The following PDIA3 variants were observed in gnomAD, a reference collection of about 807,000 sequenced individuals.
PDIA3 encodes the protein protein disulfide-isomerase A3.
In PDIA3, 16 loss-of-function variants were observed where a neutral mutation model predicts 56.9. The observed-to-expected ratio is 0.28, with a 90% CI of 0.19 to 0.43. The LOEUF (loss-of-function observed/expected upper bound fraction) is 0.43, where lower values mean the gene tolerates loss of function less well. Among genes scored for constraint, PDIA3 ranks in the 20% least tolerant of loss-of-function variants. The pLI, the probability that PDIA3 is intolerant of heterozygous loss-of-function variation, is 1.00. For missense variants in PDIA3, 485 were observed against 621.3 expected, an observed-to-expected ratio of 0.78 and a Z score of 2.33; for synonymous variants, 192 against 216.5, an observed-to-expected ratio of 0.89 and a Z score of 0.99.
intron 8 of PDIA3, among the ~76,000 whole-genome samples, chr15:43,767,266 C>T (rs552345106): frequency 1.3e-5 from 2 of 152,192 alleles, no homozygotes; most frequent in South Asian, 2.1e-4. Context: ...GCAGGAGAAT[C>T]GCTTGAACCT....
chr15:43,746,597 C>T lies in PDIA3; in HGVS notation c.58C>T (p.Arg20Cys), dbSNP rs759897655. ...TGTGGCGCTGCTTCTTGCCGCGGCC[C>T]GCCTCGCCGCTGCCTCCGACGTGCT... The part of the protein sequence containing the change: ...PGVALLLAAA[R>C]LAAASDVLEL... The change falls in exon 1 of 13, where the codon CGC (arginine) becomes TGC (cysteine). Residue 20 changes from arginine (R) to cysteine (C), a missense_variant. Transcript: ENST00000300289. 1 of 1,612,074 alleles carries T rather than the reference C, an allele frequency of 6.2e-7. No homozygotes were observed. Among genetic ancestry groups the T allele is most frequent in the Non-Finnish European group, 8.5e-7 (1 of 1,179,728 alleles).
intron 2 of PDIA3, 143 bp downstream of exon 2, chr15:43,754,045 A>G (rs2086761249): frequency 4.7e-6 from 3 of 637,960 alleles, no homozygotes; most frequent in Admixed American, 2.6e-5. Flanking sequence ...TTATTCTGCT[A>G]AGAAGAGCGA....
At chr15:43,756,405 A>G (rs2086778700) in intron 2 of PDIA3, among the ~76,000 whole-genome samples, 1 of 152,230 alleles carries the variant, frequency 6.6e-6, no homozygotes, top group Admixed American at 6.5e-5. Context: ...CAAGGGCAGA[A>G]TTTAAACAGG....
chr15:43,754,454 T>TA (rs2086764601), intron 2 of PDIA3, among the ~76,000 whole-genome samples: 1 of 141,658 alleles, frequency 7.1e-6, no homozygotes, highest in Non-Finnish European at 1.5e-5. Flanking sequence ...GCATAAGAAG[T>TA]AAAATAGACC....
Position 43,773,109 on chromosome 15 carries a change from G to A in PDIA3, c.*1891G>A, listed in dbSNP as rs767674964. The A allele has an allele frequency of 6.3e-7, 1 of 1,588,950 alleles. No homozygotes were observed. Among genetic ancestry groups the A allele is most frequent in the East Asian group, 2.2e-5 (1 of 44,738 alleles). On this transcript the variant is annotated 3_prime_UTR_variant, in exon 13 of 13. Coordinates refer to ENST00000300289, the MANE Select transcript of PDIA3 (RefSeq NM_005313.5). ...TAAGCAGAGGCTCAAAAATTCCCTT[G>A]ATAACTTCAGCTGCCCCTGTTCTTT...
chr15:43,770,642 C>A, intron 12 of PDIA3, 62 bp downstream of exon 12: 1 of 1,056,958 alleles, frequency 9.5e-7, no homozygotes, highest in Non-Finnish European at 1.5e-6. Context: ...CAACCTTAAA[C>A]ATAGTTCTTT....
intron 10 of PDIA3, 123 bp from the exon 11 acceptor site, chr15:43,770,127 A>G: frequency 1.3e-6 from 1 of 743,002 alleles, no homozygotes; most frequent in Non-Finnish European, 2.3e-6. Flanking sequence ...GCACCACCAC[A>G]CCCGGCTAAT....
Position 43,746,560 on chromosome 15 carries a change from G to C in PDIA3, c.21G>C (p.Ala7=), listed in dbSNP as rs1386364511. Residue 7 remains alanine (A), a synonymous_variant, in exon 1 of 13, where the codon GCG becomes GCC. Transcript: ENST00000300289. The stretch of plus-strand genomic sequence containing the variant: ...CCGCCATGCGCCTCCGCCGCCTAGC[G>C]CTGTTCCCGGGTGTGGCGCTGCTTC... MRLRRL[A]LFPGVALLLA... 1 of 1,609,774 alleles carries C rather than the reference G, an allele frequency of 6.2e-7. No homozygotes were observed. The highest frequency in any genetic ancestry group is 8.5e-7 in the Non-Finnish European group (1 of 1,179,012).
chr15:43,756,908 A>C (rs1053749097), intron 3 of PDIA3, 142 bp downstream of exon 3: 2 of 559,518 alleles, frequency 3.6e-6, no homozygotes, highest in Non-Finnish European at 6.4e-6. Context: ...GTGGTAACAA[A>C]AGACCTCTCT....
chr15:43,749,068 G>A (rs562828150), intron 1 of PDIA3, among the ~76,000 whole-genome samples: 59 of 151,796 alleles, frequency 3.9e-4, no homozygotes, highest in Admixed American at 1.4e-3. Context: ...ACTGCACCCA[G>A]CCTGTTTTTT....
intron 4 of PDIA3, 51 bp downstream of exon 4, chr15:43,761,582 A>C: frequency 1.0e-6 from 1 of 998,012 alleles, no homozygotes; most frequent in Non-Finnish European, 1.6e-6. Flanking sequence ...TTGGTTTCCA[A>C]AACCCTCCAT....
chr15:43,750,077 T>TTGCTTGC (rs1002721298), intron 1 of PDIA3, among the ~76,000 whole-genome samples: 3 of 142,760 alleles, frequency 2.1e-5, no homozygotes, highest in Non-Finnish European at 1.5e-5. Flanking sequence ...TTTGCTTGCT[T>TTGCTTGC]TTTTTTTTTT....
chr15:43,759,132 T>G (rs930592161), intron 3 of PDIA3, among the ~76,000 whole-genome samples: 2 of 151,784 alleles, frequency 1.3e-5, no homozygotes, highest in Non-Finnish European at 2.9e-5. Flanking sequence ...CTACTAAAAA[T>G]ACAAAAAATT....
At chr15:43,770,469 C>G in intron 11 of PDIA3, 54 bp from the exon 12 acceptor site, 1 of 1,415,094 alleles carries the variant, frequency 7.1e-7, no homozygotes, top group Admixed American at 1.7e-5. Flanking sequence ...CTTAAGAGTT[C>G]TGCAGTATGG....
chr15:43,753,090 C>G (rs2086755015), intron 1 of PDIA3: 1 of 338,684 alleles, frequency 3.0e-6, no homozygotes, highest in Admixed American at 3.8e-5. Flanking sequence ...TCCCCACCCC[C>G]ACCCCGAGAC....
chr15:43,752,784 T>C, intron 1 of PDIA3: 1 of 471,106 alleles, frequency 2.1e-6, no homozygotes. Context: ...TATTTCTATT[T>C]TTGCTGTCTA....
At position 43,756,711 on chromosome 15, in the gene PDIA3, G is replaced by A; in HGVS notation, c.309G>A (p.Leu103=). ...ATGGAGTCAGTGGATATCCAACCCT[G>A]AAGATATTTAGAGATGGTGAAGAAG... is the stretch of plus-strand genomic sequence containing the variant. ...NKYGVSGYPT[L]KIFRDGEEAG... The change falls in exon 3 of 13, where the codon CTG becomes CTA. Residue 103 remains leucine, a synonymous_variant. Transcript: ENST00000300289. The A allele has an allele frequency of 6.2e-7, 1 of 1,610,980 alleles. No homozygotes were observed. The highest frequency in any genetic ancestry group is 8.5e-7 in the Non-Finnish European group (1 of 1,178,842).
At chr15:43,762,055 C>G (rs531240725) in intron 4 of PDIA3, among the ~76,000 whole-genome samples, 1 of 152,118 alleles carries the variant, frequency 6.6e-6, no homozygotes, top group African/African-American at 2.4e-5. Flanking sequence ...TCATGTGTTG[C>G]AGTATCTCGT....
intron 3 of PDIA3, among the ~76,000 whole-genome samples, chr15:43,759,087 G>A (rs1220689698): frequency 2.0e-5 from 3 of 152,026 alleles, no homozygotes; most frequent in East Asian, 1.9e-4. Flanking sequence ...TCAGGAGAGC[G>A]AGACCATCCT....
Sources: gnomAD v4.1 joint callset for allele counts (sites outside exome capture counted in the v4.1 genomes callset) on GRCh38, gnomAD v4.1.1 for gene constraint, MANE v1.5 for transcripts, NCBI Gene and HGNC (gene_info 2026-07-23, HGNC 2026-07-21) for gene names.